NPAS3: variants seen among roughly 807,000 people sequenced by gnomAD.
NPAS3 encodes the protein neuronal PAS domain protein 3, also known as neuronal PAS domain-containing protein 3.
A neutral mutation model predicts 73.1 loss-of-function variants in NPAS3; 14 were observed. The observed-to-expected ratio is 0.19, with a 90% confidence interval of 0.13 to 0.30. The LOEUF is 0.30. NPAS3 is among the 10% of genes least tolerant of loss of function. NPAS3 has a pLI of 1.00. For synonymous variants in NPAS3, 620 were observed against 541.5 expected (o/e 1.14, Z -2.01); for missense variants, 1,096 against 1,250.0 (o/e 0.88, Z 1.86).
chr14:33,188,863 T>A (rs1182517322), intron 2 of NPAS3, among the ~76,000 whole-genome samples: 2 of 152,142 alleles, frequency 1.3e-5, no homozygotes, highest in Non-Finnish European at 2.9e-5. Flanking sequence ...AATATAGATA[T>A]TTGGGGTTAC....
intron 4 of NPAS3, among the ~76,000 whole-genome samples, chr14:33,534,169 G>A (rs1158231738): frequency 6.8e-6 from 1 of 147,324 alleles, no homozygotes; most frequent in Non-Finnish European, 1.5e-5. Flanking sequence ...TTAATAAGAA[G>A]ACTTGCAAAT....
chr14:33,669,754 G>C (rs2059557950), intron 5 of NPAS3, among the ~76,000 whole-genome samples: 1 of 152,058 alleles, frequency 6.6e-6, no homozygotes, highest in African/African-American at 2.4e-5. Flanking sequence ...TTTCCTCTTT[G>C]ACTCTATTTC....
chr14:33,726,271 A>G (rs970440092), intron 6 of NPAS3, among the ~76,000 whole-genome samples: 2 of 152,154 alleles, frequency 1.3e-5, no homozygotes, highest in Non-Finnish European at 2.9e-5. Flanking sequence ...AGCATTGGAC[A>G]CTCTGATCAA....
At chr14:33,772,503 T>C (rs1268335250) in intron 7 of NPAS3, among the ~76,000 whole-genome samples, 1 of 152,224 alleles carries the variant, frequency 6.6e-6, no homozygotes, top group East Asian at 1.9e-4. Context: ...TGCTTTGGAA[T>C]AGAATACCAA....
chr14:33,501,881 C>T (rs914252435), intron 4 of NPAS3, among the ~76,000 whole-genome samples: 2 of 151,814 alleles, frequency 1.3e-5, no homozygotes, highest in African/African-American at 2.4e-5. Context: ...GAGATAACTG[C>T]GTTGGGAACT....
At chr14:33,659,170 C>A (rs764909325) in intron 5 of NPAS3, among the ~76,000 whole-genome samples, 20 of 152,334 alleles carry the variant, frequency 1.3e-4, no homozygotes, top group Non-Finnish European at 2.4e-4. Context: ...TGAATATACA[C>A]TTACACTTAA....
chr14:33,055,242 G>C (rs2040847534), intron 1 of NPAS3, among the ~76,000 whole-genome samples: 1 of 152,144 alleles, frequency 6.6e-6, no homozygotes, highest in South Asian at 2.1e-4. Context: ...AAGTAACACA[G>C]ATGAAAATTG....
intron 1 of NPAS3, among the ~76,000 whole-genome samples, chr14:33,018,465 C>A (rs183770473): frequency 1.3e-5 from 2 of 152,254 alleles, no homozygotes; most frequent in East Asian, 1.9e-4. Flanking sequence ...AGAGGAAATT[C>A]CCAAGTTGGA....
chr14:33,725,394 T>C (rs764167426), intron 6 of NPAS3, among the ~76,000 whole-genome samples: 8 of 152,150 alleles, frequency 5.3e-5, no homozygotes, highest in Non-Finnish European at 1.0e-4. Context: ...TATCAATAAA[T>C]GGTAAATAAG....
chr14:33,599,264 A>G (rs2057332462), intron 5 of NPAS3, among the ~76,000 whole-genome samples: 1 of 152,202 alleles, frequency 6.6e-6, no homozygotes, highest in Non-Finnish European at 1.5e-5. Context: ...GAAACATTTT[A>G]ATTTATAATC....
intron 3 of NPAS3, among the ~76,000 whole-genome samples, chr14:33,351,750 G>T (rs920414135): frequency 6.6e-6 from 1 of 152,118 alleles, no homozygotes; most frequent in Non-Finnish European, 1.5e-5. Context: ...AATAAATGTT[G>T]CTATTATTCC....
chr14:33,551,786 T>C (rs1371966590), intron 4 of NPAS3, among the ~76,000 whole-genome samples: 4 of 152,200 alleles, frequency 2.6e-5, no homozygotes, highest in Non-Finnish European at 5.9e-5. Flanking sequence ...TCTAGGATCT[T>C]CTTCCAACTC....
intron 7 of NPAS3, among the ~76,000 whole-genome samples, chr14:33,735,880 G>A (rs1044503723): frequency 2.6e-5 from 4 of 152,016 alleles, no homozygotes; most frequent in Non-Finnish European, 4.4e-5. Context: ...CTCGATATAC[G>A]TAAGTTCCTC....
At chr14:33,453,030 G>A (rs1444913204) in intron 4 of NPAS3, among the ~76,000 whole-genome samples, 8 of 152,194 alleles carry the variant, frequency 5.3e-5, no homozygotes, top group African/African-American at 1.4e-4. Context: ...TGACATGATC[G>A]TAGGTGACAG....
chr14:33,537,433 T>C (rs2054306044), intron 4 of NPAS3, among the ~76,000 whole-genome samples: 2 of 152,190 alleles, frequency 1.3e-5, no homozygotes, highest in African/African-American at 4.8e-5. Context: ...AGTGGAGGTT[T>C]CAACACAGGC....
At chr14:33,621,316 C>T (rs2058069305) in intron 5 of NPAS3, among the ~76,000 whole-genome samples, 1 of 152,106 alleles carries the variant, frequency 6.6e-6, no homozygotes, top group African/African-American at 2.4e-5. Context: ...AACATCTAAA[C>T]TGTCAAAAAA....
At chr14:33,155,774 G>A (rs1419229180) in intron 2 of NPAS3, among the ~76,000 whole-genome samples, 1 of 152,162 alleles carries the variant, frequency 6.6e-6, no homozygotes, top group Non-Finnish European at 1.5e-5. Flanking sequence ...CTGTCTTCAT[G>A]TTGTAGATGA....
chr14:33,731,877 T>TTG lies in NPAS3; in HGVS notation c.734-3333_734-3332dup, dbSNP rs897618941. Among the ~76,000 whole-genome samples, 39 of 152,310 alleles carry TTG rather than the reference T, an allele frequency of 2.6e-4. 1 individual carries two copies. Among genetic ancestry groups the TTG allele is most frequent in the South Asian group, 8.3e-4 (4 of 4,826 alleles). On this transcript the variant is annotated intron_variant, in intron 6 of 11. Coordinates refer to ENST00000356141, the Ensembl canonical transcript of NPAS3. ...GTATATTTCTTTATTTAGCTTTTAGTTGTGTAGGTCTTGTTCTTTTTTTCA... is the reference window on the plus strand; with the variant it reads ...GTATATTTCTTTATTTAGCTTTTAGTTGTGTGTAGGTCTTGTTCTTTTTTTCA...
At chr14:33,771,202 A>G (rs889061473) in intron 7 of NPAS3, among the ~76,000 whole-genome samples, 1 of 152,222 alleles carries the variant, frequency 6.6e-6, no homozygotes, top group African/African-American at 2.4e-5. Flanking sequence ...ACCTGAGGAA[A>G]AAAAGCTCTG....
Sources: allele counts gnomAD v4.1 joint callset (sites outside exome capture counted in the v4.1 genomes callset), GRCh38; gene constraint gnomAD v4.1.1; transcripts MANE v1.5; gene names NCBI Gene and HGNC (gene_info 2026-07-23, HGNC 2026-07-21).